UNC13B: variants seen among roughly 807,000 people sequenced by gnomAD.
UNC13B encodes the protein unc-13 homolog B.
UNC13B carries 144 observed loss-of-function variants against 211.0 expected under a neutral mutation model. The ratio of observed to expected loss-of-function variants is 0.68; its 90% CI spans 0.60 to 0.78. The LOEUF (loss-of-function observed/expected upper bound fraction) is 0.78. Ranked by LOEUF, UNC13B falls within the 30% of genes least tolerant of loss-of-function variation. UNC13B has a pLI of 0.00. For missense variants in UNC13B, 1,777 were observed against 2,002.0 expected, an observed-to-expected ratio of 0.89 and a Z score of 2.14; for synonymous variants, 709 against 725.8, an observed-to-expected ratio of 0.98 and a Z score of 0.37.
intron 1 of UNC13B, among the ~76,000 whole-genome samples, chr9:35,167,533 G>T (rs1184165005): frequency 6.6e-6 from 1 of 151,238 alleles, no homozygotes; most frequent in East Asian, 1.9e-4. Flanking sequence ...ATGATATTCA[G>T]GATATTTTTC....
chr9:35,179,545 C>G (rs1178564891), intron 1 of UNC13B, among the ~76,000 whole-genome samples: 1 of 152,120 alleles, frequency 6.6e-6, no homozygotes, highest in Non-Finnish European at 1.5e-5. Flanking sequence ...AATCCCAGCA[C>G]TTTGGAAGGC....
chr9:35,310,252 G>A (rs939949725), intron 9 of UNC13B, among the ~76,000 whole-genome samples: 4 of 152,242 alleles, frequency 2.6e-5, no homozygotes, highest in Middle Eastern at 3.4e-3. Context: ...GTTAAGTGTC[G>A]TTGGAGAACC....
intron 1 of UNC13B, among the ~76,000 whole-genome samples, chr9:35,184,576 C>T (rs1039208646): frequency 4.6e-5 from 7 of 152,104 alleles, no homozygotes; most frequent in Non-Finnish European, 1.0e-4. Flanking sequence ...GGCGTGGCAG[C>T]GCACGCCTGC....
intron 1 of UNC13B, among the ~76,000 whole-genome samples, chr9:35,201,282 T>C (rs1251020090): frequency 6.6e-6 from 1 of 152,206 alleles, no homozygotes; most frequent in Non-Finnish European, 1.5e-5. Flanking sequence ...ATCAGGATAT[T>C]GGTCTAAAAT....
intron 7 of UNC13B, among the ~76,000 whole-genome samples, chr9:35,293,097 C>T (rs535611142): frequency 7.9e-5 from 12 of 152,308 alleles, no homozygotes; most frequent in Non-Finnish European, 1.2e-4. Context: ...CTGTTTCTCT[C>T]CTTTGTCTCA....
chr9:35,251,285 A>T (rs1826468172), intron 6 of UNC13B, among the ~76,000 whole-genome samples: 1 of 151,336 alleles, frequency 6.6e-6, no homozygotes, highest in African/African-American at 2.4e-5. Context: ...TTTTTGCTGG[A>T]GTATTTTAAA....
chr9:35,293,095 C>T (rs1829174883), intron 7 of UNC13B, among the ~76,000 whole-genome samples: 1 of 152,190 alleles, frequency 6.6e-6, no homozygotes, highest in African/African-American at 2.4e-5. Flanking sequence ...TTCTGTTTCT[C>T]TCCTTTGTCT....
intron 1 of UNC13B, among the ~76,000 whole-genome samples, chr9:35,213,107 G>A (rs1824059357): frequency 6.6e-6 from 1 of 152,236 alleles, no homozygotes; most frequent in Non-Finnish European, 1.5e-5. Flanking sequence ...GCCCTAAGTG[G>A]TATGTATAAA....
In UNC13B at chr9:35,162,303, G is replaced by T. The variant is rs71521257; in HGVS notation, c.20G>T (p.Arg7Leu). Residue 7 changes from arginine (R) to leucine (L), a missense_variant and splice_region_variant, in exon 1 of 40, where the codon CGC becomes CTC. Transcript: ENST00000635942. ...TCGGCCATGTCACTGCTCTGCGTGCGCGGTGAGTGCGCGGACTGAGGCGGG... is the reference window on the plus strand; with the variant it reads ...TCGGCCATGTCACTGCTCTGCGTGCTCGGTGAGTGCGCGGACTGAGGCGGG... MSLLCV[R>L]VKRAKFQGSP... The T allele has an allele frequency of 1.3e-4, 202 of 1,543,414 alleles. No homozygotes were observed. Among genetic ancestry groups the T allele is most frequent in the Admixed American group, 3.9e-5 (2 of 51,672 alleles).
chr9:35,223,104 C>T (rs1199658330), intron 1 of UNC13B, among the ~76,000 whole-genome samples: 4 of 152,140 alleles, frequency 2.6e-5, no homozygotes, highest in Non-Finnish European at 5.9e-5. Context: ...TTGATTGACA[C>T]TTAGGTTGAT....
At chr9:35,263,342 TA>T (rs11305136) in intron 7 of UNC13B, among the ~76,000 whole-genome samples, 82,407 of 146,888 alleles carry the variant, frequency 0.56, 22,836 homozygotes, top group Middle Eastern at 0.6. Flanking sequence ...TGGAACTTGG[TA>T]AAAAAAAAAA....
intron 26 of UNC13B, among the ~76,000 whole-genome samples, chr9:35,393,125 A>G (rs1441728574): frequency 6.6e-6 from 1 of 152,196 alleles, no homozygotes; most frequent in African/African-American, 2.4e-5. Flanking sequence ...AAGGCATAGC[A>G]CCATCCCTTA....
At chr9:35,360,336 T>C (rs74748988) in intron 11 of UNC13B, among the ~76,000 whole-genome samples, 3,555 of 152,374 alleles carry the variant, frequency 0.023, 132 homozygotes, top group African/African-American at 0.081. Context: ...ATTTTGGCTT[T>C]GCCACTTGCT....
chr9:35,389,151 G>A (rs867446756), intron 24 of UNC13B, among the ~76,000 whole-genome samples: 1 of 152,116 alleles, frequency 6.6e-6, no homozygotes, highest in Admixed American at 6.5e-5. Context: ...CACCCTCCCT[G>A]TGGTGACTCC....
chr9:35,275,880 G>C (rs1828147625), intron 7 of UNC13B, among the ~76,000 whole-genome samples: 1 of 152,134 alleles, frequency 6.6e-6, no homozygotes, highest in South Asian at 2.1e-4. Context: ...GTGAGCCACT[G>C]TGCCCGGCCT....
intron 21 of UNC13B, 100 bp from the exon 22 acceptor site, chr9:35,384,145 CT>C: frequency 1.3e-6 from 2 of 1,549,750 alleles, no homozygotes; most frequent in Non-Finnish European, 1.7e-6. Flanking sequence ...TGCCTCCCGA[CT>C]CTTTCTACTC....
chr9:35,242,321 A>C (rs959884469), intron 5 of UNC13B, among the ~76,000 whole-genome samples: 1 of 152,170 alleles, frequency 6.6e-6, no homozygotes, highest in East Asian at 1.9e-4. Flanking sequence ...AAAATTTAGC[A>C]TCTTAACCAT....
intron 36 of UNC13B, among the ~76,000 whole-genome samples, 174 bp from the exon 37 acceptor site, chr9:35,400,122 A>G (rs1185743964): frequency 6.6e-6 from 1 of 152,142 alleles, no homozygotes; most frequent in Non-Finnish European, 1.5e-5. Flanking sequence ...GCCATCCCCT[A>G]CTAATCCTGC....
At chr9:35,390,066 T>G (rs1232621600) in intron 25 of UNC13B, 93 bp downstream of exon 25, 1 of 1,564,348 alleles carries the variant, frequency 6.4e-7, no homozygotes, top group African/African-American at 1.3e-5. Context: ...ATGTTTGCAG[T>G]GCCACCTCTT....
Sources: gnomAD v4.1 joint callset for allele counts (sites outside exome capture counted in the v4.1 genomes callset) on GRCh38, gnomAD v4.1.1 for gene constraint, MANE v1.5 for transcripts, NCBI Gene and HGNC (gene_info 2026-07-23, HGNC 2026-07-21) for gene names.